Variants in MAP6 observed in about 807,000 individuals in gnomAD.
MAP6 encodes the protein microtubule associated protein 6.
MAP6 carries 26 observed loss-of-function variants against 42.4 expected under a neutral mutation model. That is an observed-to-expected ratio of 0.61 (90% CI 0.45 to 0.85). MAP6 has a LOEUF of 0.85. Ranked by LOEUF, MAP6 falls within the 40% of genes least tolerant of loss-of-function variation. The probability of loss-of-function intolerance (pLI) is 0.00; values close to 1 mark genes in which losing one functional copy is unlikely to be tolerated. For missense variants in MAP6, 966 were observed against 1,099.0 expected (o/e 0.88, Z 1.71); for synonymous variants, 418 against 443.8 (o/e 0.94, Z 0.73).
chr11:75,634,095 C>T (rs1307571733), intron 1 of MAP6, among the ~76,000 whole-genome samples: 1 of 152,162 alleles, frequency 6.6e-6, no homozygotes, highest in Non-Finnish European at 1.5e-5. Context: ...AGCTGCGTCC[C>T]CATCCCCAGG....
At chr11:75,607,303 A>G (rs1942797853) in intron 2 of MAP6, 1 of 985,458 alleles carries the variant, frequency 1.0e-6, no homozygotes, top group Non-Finnish European at 1.2e-6. Flanking sequence ...TAGGTTCCAG[A>G]GTTATTTAAG....
intron 1 of MAP6, among the ~76,000 whole-genome samples, chr11:75,648,089 A>G (rs987147164): frequency 1.3e-5 from 2 of 152,246 alleles, no homozygotes; most frequent in East Asian, 3.8e-4. Context: ...GATTTGGGAT[A>G]CTTGACTTCC....
intron 1 of MAP6, among the ~76,000 whole-genome samples, chr11:75,629,840 AGAG>A (rs904225654): frequency 1.3e-5 from 2 of 152,188 alleles, no homozygotes; most frequent in African/African-American, 4.8e-5. Flanking sequence ...AGGGGAATGA[AGAG>A]GAGAAGAGAA....
At chr11:75,635,357 A>G (rs1159636653) in intron 1 of MAP6, among the ~76,000 whole-genome samples, 1 of 152,252 alleles carries the variant, frequency 6.6e-6, no homozygotes, top group Non-Finnish European at 1.5e-5. Context: ...GGTTAAACAC[A>G]TCAACACCAA....
chr11:75,647,067 G>A (rs1281425986), intron 1 of MAP6, among the ~76,000 whole-genome samples: 1 of 150,236 alleles, frequency 6.7e-6, no homozygotes, highest in African/African-American at 2.5e-5. Flanking sequence ...TGCACCCTCC[G>A]CCTCCCAGGT....
chr11:75,649,686 G>A (rs1021502961), intron 1 of MAP6, among the ~76,000 whole-genome samples: 1 of 151,786 alleles, frequency 6.6e-6, no homozygotes, highest in African/African-American at 2.4e-5. Flanking sequence ...TTACAGTCAC[G>A]CGCACCACCA....
At chr11:75,609,573 T>C (rs1942851276) in intron 1 of MAP6, among the ~76,000 whole-genome samples, 1 of 152,222 alleles carries the variant, frequency 6.6e-6, no homozygotes, top group Non-Finnish European at 1.5e-5. Flanking sequence ...GCATTCGTTT[T>C]CTCATTTGTA....
chr11:75,621,130 C>CAA (rs998794913), intron 1 of MAP6, among the ~76,000 whole-genome samples: 6 of 124,586 alleles, frequency 4.8e-5, no homozygotes, highest in African/African-American at 1.2e-4. Context: ...GACTCCATCT[C>CAA]AAAAAAAAAA....
At chr11:75,662,297 A>G (rs896803599) in intron 1 of MAP6, among the ~76,000 whole-genome samples, 1 of 152,230 alleles carries the variant, frequency 6.6e-6, no homozygotes, top group African/African-American at 2.4e-5. Context: ...TAGTTAGATT[A>G]TTAACAATTT....
chr11:75,644,020 T>C (rs1260479061), intron 1 of MAP6, among the ~76,000 whole-genome samples: 1 of 152,222 alleles, frequency 6.6e-6, no homozygotes, highest in African/African-American at 2.4e-5. Context: ...TAGAGGTGCA[T>C]GGTTACAAAC....
intron 1 of MAP6, among the ~76,000 whole-genome samples, chr11:75,650,969 G>A (rs1222874018): frequency 6.6e-6 from 1 of 152,034 alleles, no homozygotes; most frequent in Non-Finnish European, 1.5e-5. Flanking sequence ...TCATGCTTCT[G>A]CTGCTCTGTC....
rs538013948 is a variant in MAP6, at chr11:75,611,103, G to C, written c.906-2781C>G. On this transcript the variant is annotated intron_variant, in intron 1 of 3. Coordinates refer to ENST00000304771, the MANE Select transcript of MAP6 (RefSeq NM_033063.2). Reference sequence around the variant, plus strand: ...GGCCCAGGGAACATTTGGGGCTGTGGCCACCGTTACCTGCCAGAGGCTACA... The same window carrying C: ...GGCCCAGGGAACATTTGGGGCTGTGCCCACCGTTACCTGCCAGAGGCTACA... 3.9e-5 allele frequency among the ~76,000 whole-genome samples: 6 copies of C among 152,292 alleles called. No homozygotes were observed. In the East Asian group the frequency reaches 1.2e-3, roughly 29 times the overall value.
chr11:75,606,248 TCCACCGA>T (rs1942772681), intron 2 of MAP6, among the ~76,000 whole-genome samples: 1 of 152,218 alleles, frequency 6.6e-6, no homozygotes, highest in East Asian at 1.9e-4. Context: ...CTGCCAGCCT[TCCACCGA>T]CCACCCCAGG....
chr11:75,616,452 A>G (rs1300561938), intron 1 of MAP6, among the ~76,000 whole-genome samples: 1 of 152,244 alleles, frequency 6.6e-6, no homozygotes, highest in Admixed American at 6.5e-5. Flanking sequence ...CTCCGTTCAA[A>G]AATCTTGTCT....
At chr11:75,605,689 A>G in intron 3 of MAP6, 119 bp downstream of exon 3, 1 of 1,506,904 alleles carries the variant, frequency 6.6e-7, no homozygotes, top group Non-Finnish European at 8.8e-7. Flanking sequence ...CTCAGGACCA[A>G]GGCAGATGAG....
chr11:75,657,717 G>C (rs1262204542), intron 1 of MAP6, among the ~76,000 whole-genome samples: 1 of 152,184 alleles, frequency 6.6e-6, no homozygotes, highest in African/African-American at 2.4e-5. Flanking sequence ...CTTTGCCTTT[G>C]CCAGCTTCTA....
At chr11:75,617,692 T>C (rs1352028167) in intron 1 of MAP6, among the ~76,000 whole-genome samples, 1 of 151,772 alleles carries the variant, frequency 6.6e-6, no homozygotes, top group African/African-American at 2.4e-5. Context: ...GTGTGAGAGT[T>C]AAGACAAGTA....
Position 75,625,364 on chromosome 11 carries a change from A to G in MAP6, c.906-17042T>C, listed in dbSNP as rs144023923. On this transcript the variant is annotated intron_variant, in intron 1 of 3. Coordinates refer to ENST00000304771, the MANE Select transcript of MAP6 (RefSeq NM_033063.2). ...ATATTTCAAAGGAAGCCTCCTTCGC[A>G]TCAGCACCCTGCATTCTTTATCTGT... Among the ~76,000 whole-genome samples, 456 of 152,290 alleles carry G rather than the reference A, an allele frequency of 3.0e-3. 1 individual carries two copies. The highest frequency in any genetic ancestry group is 0.011 in the African/African-American group (439 of 41,554).
In MAP6 at chr11:75,608,215, G is replaced by A. The variant is rs1222589103; in HGVS notation, c.1013C>T (p.Ala338Val). The change falls in exon 2 of 4, where the codon GCT (alanine) becomes GTT (valine). Residue 338 changes from alanine to valine, a missense_variant. This residue lies in a region of MAP6 where 943 missense variants were observed against 1,049.9 expected (regional missense o/e 0.90). Transcript: ENST00000304771. Reference sequence around the variant, plus strand: ...CTTGCTGGCCTCTCCTTTGAACTGAGCACTGTAGCTGGTCTCATGAACCAT... The same window carrying A: ...CTTGCTGGCCTCTCCTTTGAACTGAACACTGTAGCTGGTCTCATGAACCAT... ...DKMVHETSYS[A>V]QFKGEASKPT... 3.7e-6 allele frequency: 6 copies of A among 1,614,038 alleles called. No individual in the cohort carries two copies. The highest frequency in any genetic ancestry group is 5.1e-6 in the Non-Finnish European group (6 of 1,180,018).
Sources: allele counts gnomAD v4.1 joint callset (sites outside exome capture counted in the v4.1 genomes callset), GRCh38; gene constraint gnomAD v4.1.1; regional missense constraint gnomAD v4.1.1; transcripts MANE v1.5; gene names NCBI Gene and HGNC (gene_info 2026-07-23, HGNC 2026-07-21).